Variants in SMPDL3B observed in about 807,000 individuals in gnomAD.
The protein encoded by SMPDL3B is acid sphingomyelinase-like phosphodiesterase 3b.
SMPDL3B carries 31 observed loss-of-function variants against 37.9 expected under a neutral mutation model. That is an observed-to-expected ratio of 0.82 (90% confidence interval 0.61 to 1.10). The LOEUF is 1.10. Among genes scored for constraint, SMPDL3B ranks in the 50% least tolerant of loss-of-function variants. The probability of loss-of-function intolerance (pLI) is 0.00; values close to 1 mark genes in which losing one functional copy is unlikely to be tolerated. For missense variants in SMPDL3B, 525 were observed against 597.8 expected (o/e 0.88, Z 1.27); for synonymous variants, 235 against 242.6 (o/e 0.97, Z 0.29).
chr1:27,945,157 G>A lies in SMPDL3B; in HGVS notation c.62-75G>A. 6.8e-7 allele frequency: 1 copy of A among 1,465,424 alleles called. No homozygotes were observed. The allele number at this position is 1,465,424 out of a possible 1,614,324, so 90.8% of individuals were successfully genotyped here. ...TGTGTAACGCCCCTGCCCCAGCCCA[G>A]GGCTCCCCTGGACTTCCTTGCTTCC... On this transcript the variant is annotated intron_variant, in intron 1 of 7. Transcript: ENST00000373894. The surrounding 1 kb of genome is among the most constrained non-coding windows in gnomAD (Gnocchi z 4.0).
intron 1 of SMPDL3B, among the ~76,000 whole-genome samples, chr1:27,936,958 T>A (rs1183779652): frequency 1.3e-5 from 2 of 151,954 alleles, no homozygotes; most frequent in African/African-American, 4.8e-5. Flanking sequence ...GAGGTGGAGC[T>A]TGCAGTGAGC....
At chr1:27,938,292 T>C (rs1253072333) in intron 1 of SMPDL3B, among the ~76,000 whole-genome samples, 1 of 152,118 alleles carries the variant, frequency 6.6e-6, no homozygotes, top group Admixed American at 6.5e-5. Context: ...TAATCCTCAT[T>C]TTATAGATGA....
rs751908684 is a variant in SMPDL3B at position 27,945,336 on chromosome 1, G to A, written c.166G>A (p.Ala56Thr). 9.9e-6 allele frequency: 16 copies of A among 1,614,000 alleles called. No individual in the cohort carries two copies. Among genetic ancestry groups the A allele is most frequent in the Admixed American group, 3.3e-5 (2 of 60,002 alleles). ...AGCTGGATCCCAGCCAGTGCCCGAC[G>A]CAGGCCCCTGGGGTGACTACCTCTG... is the stretch of plus-strand genomic sequence containing the variant. Reference protein sequence around the residue: ...PSAGSQPVPDAGPWGDYLCDS... With the variant: ...PSAGSQPVPDTGPWGDYLCDS... The change falls in exon 2 of 8, where the codon GCA becomes ACA. Residue 56 changes from alanine (A) to threonine (T), a missense_variant. Physicochemically the swap from Ala to Thr is moderately conservative, Grantham distance 58. Transcript: ENST00000373894. This position sits in a 1 kb window ranked among gnomAD's most constrained non-coding sequence, Gnocchi z 4.0.
Position 27,955,736 on chromosome 1 carries a change from AG to A in SMPDL3B, c.745del (p.Ala249HisfsTer12), listed in dbSNP as rs746113529. ...PPGFFEKTQN[K>X]AWFREGFNEK... Reference sequence around the variant, plus strand: ...GGGTTCTTTGAGAAGACGCAAAACAAGGCATGGTTCCGGGAGGGCTTCAATG... The same window carrying A: ...GGGTTCTTTGAGAAGACGCAAAACAAGCATGGTTCCGGGAGGGCTTCAATG... On this transcript the variant is annotated frameshift_variant, in exon 6 of 8. Transcript: ENST00000373894. LOFTEE classifies it high-confidence loss of function. 1 of 1,614,176 alleles carries A rather than the reference AG, an allele frequency of 6.2e-7. No homozygotes were observed. The highest frequency in any genetic ancestry group is 1.1e-5 in the South Asian group (1 of 91,082).
chr1:27,954,394 T>A lies in SMPDL3B; in HGVS notation c.558T>A (p.Ala186=), dbSNP rs2090480649. 1 of 1,613,978 alleles carries A rather than the reference T, an allele frequency of 6.2e-7. No individual in the cohort carries two copies. The highest frequency in any genetic ancestry group is 1.3e-5 in the African/African-American group (1 of 74,932). Residue 186 remains alanine, a synonymous_variant, in exon 5 of 8, where the codon GCT becomes GCA. Transcript: ENST00000373894. ...AGAAGCTGCCGGGTCCCAGCGGGGCTGGGCGAATTGTGGTCCTCAACACCA... is the reference window on the plus strand; with the variant it reads ...AGAAGCTGCCGGGTCCCAGCGGGGCAGGGCGAATTGTGGTCCTCAACACCA... ...YCEKLPGPSG[A]GRIVVLNTNL...
intron 3 of SMPDL3B, among the ~76,000 whole-genome samples, chr1:27,952,820 G>A (rs895974653): frequency 5.3e-5 from 8 of 152,186 alleles, no homozygotes; most frequent in African/African-American, 1.9e-4. Flanking sequence ...AACTCCTAAG[G>A]CCTCCCAGAG....
At chr1:27,948,582 A>C (rs1446343660) in intron 2 of SMPDL3B, among the ~76,000 whole-genome samples, 4 of 152,198 alleles carry the variant, frequency 2.6e-5, no homozygotes, top group Non-Finnish European at 5.9e-5. Context: ...ACTTGAAGCC[A>C]GCTTCAAACT....
Position 27,949,113 on chromosome 1 carries a change from A to T in SMPDL3B, c.324A>T (p.Val108=), listed in dbSNP as rs769656489. Residue 108 remains valine (V), a synonymous_variant, in exon 3 of 8, where the codon GTA becomes GTT. Coordinates refer to ENST00000373894, the MANE Select transcript of SMPDL3B (RefSeq NM_014474.4). ...VPDEKLGEAA[V]LEIVERLTKL... Reference sequence around the variant, plus strand: ...ATGAGAAACTGGGAGAGGCAGCTGTACTGGAAATTGTGGAACGCCTGACCA... The same window carrying T: ...ATGAGAAACTGGGAGAGGCAGCTGTTCTGGAAATTGTGGAACGCCTGACCA... 1 of 1,614,214 alleles carries T rather than the reference A, an allele frequency of 6.2e-7. No individual in the cohort carries two copies. Among genetic ancestry groups the T allele is most frequent in the Non-Finnish European group, 8.5e-7 (1 of 1,180,026 alleles).
chr1:27,959,132 C>A lies in SMPDL3B; in HGVS notation c.*294C>A. On this transcript the variant is annotated 3_prime_UTR_variant, in exon 8 of 8. Transcript: ENST00000373894. ...TGCGTATTATGTTTAACTCACAAAA[C>A]AAAGCTCATCATGCGTTTGATTCTG... The A allele has an allele frequency of 2.9e-6, 1 of 344,240 alleles. No individual in the cohort carries two copies. The highest frequency in any genetic ancestry group is 4.8e-5 in the East Asian group (1 of 20,730). 21.3% of individuals were successfully genotyped at this position (344,240 alleles called of 1,614,324 possible). A position where few individuals can be genotyped will look rare whatever the true frequency, so the allele number is the denominator to read the frequency against.
At chr1:27,942,503 C>T (rs187797698) in intron 1 of SMPDL3B, 3,781 of 375,930 alleles carry the variant, frequency 0.01, 63 homozygotes, top group Middle Eastern at 0.037. Context: ...TTTTTTGAGA[C>T]AGTCTTGCTG....
intron 4 of SMPDL3B, among the ~76,000 whole-genome samples, chr1:27,953,574 CTAAGTTCA>C (rs1259674578): frequency 1.3e-5 from 2 of 152,152 alleles, no homozygotes; most frequent in Non-Finnish European, 2.9e-5. Flanking sequence ...GATGATGCTC[CTAAGTTCA>C]TATTTATTGA....
At chr1:27,942,696 G>A (rs1412183801) in intron 1 of SMPDL3B, among the ~76,000 whole-genome samples, 3 of 142,450 alleles carry the variant, frequency 2.1e-5, no homozygotes, top group Non-Finnish European at 3.0e-5. Flanking sequence ...ATGGAGTCTC[G>A]CTCTGTCGCC....
rs542734311 is a variant in SMPDL3B, at chr1:27,944,966, T to C, written c.62-266T>C. ...TTAGAATGCCTGAGCTCTAATGTTGTGGCTGCCCATCCAATGTGGGGAGGA... is the reference window on the plus strand; with the variant it reads ...TTAGAATGCCTGAGCTCTAATGTTGCGGCTGCCCATCCAATGTGGGGAGGA... On this transcript the variant is annotated intron_variant, in intron 1 of 7. Coordinates refer to ENST00000373894, the MANE Select transcript of SMPDL3B (RefSeq NM_014474.4). Among the ~76,000 whole-genome samples the C allele has an allele frequency of 2.0e-5, 3 of 152,300 alleles. No homozygotes were observed. In the East Asian group the frequency reaches 5.8e-4, roughly 29 times the overall value.
At chr1:27,952,916 C>T (rs987276901) in intron 3 of SMPDL3B, among the ~76,000 whole-genome samples, 32 of 152,220 alleles carry the variant, frequency 2.1e-4, no homozygotes, top group Admixed American at 1.3e-4. Flanking sequence ...TGATGACGAT[C>T]GGACTCATTT....
intron 1 of SMPDL3B, chr1:27,939,069 AG>A (rs1206109574): frequency 6.6e-6 from 1 of 152,340 alleles, no homozygotes; most frequent in African/African-American, 2.4e-5. Context: ...TCACTCGCTC[AG>A]TTTCCTCATC....
intron 3 of SMPDL3B, among the ~76,000 whole-genome samples, chr1:27,952,737 C>T (rs143756422): frequency 4.7e-4 from 71 of 152,336 alleles, no homozygotes; most frequent in Non-Finnish European, 9.0e-4. Context: ...GGCTGGAAGC[C>T]TGGTTTCCAG....
chr1:27,942,371 G>C (rs908366667), intron 1 of SMPDL3B: 8 of 470,546 alleles, frequency 1.7e-5, no homozygotes, highest in Non-Finnish European at 3.1e-5. Flanking sequence ...GCAGGTGAGA[G>C]CCACTCACGG....
chr1:27,943,653 G>A (rs1407619552), intron 1 of SMPDL3B, among the ~76,000 whole-genome samples: 2 of 152,154 alleles, frequency 1.3e-5, no homozygotes, highest in African/African-American at 4.8e-5. Context: ...CGAGAAACAG[G>A]ATGAACAGAG....
At chr1:27,937,693 G>T (rs1310713392) in intron 1 of SMPDL3B, among the ~76,000 whole-genome samples, 1 of 152,136 alleles carries the variant, frequency 6.6e-6, no homozygotes, top group East Asian at 1.9e-4. Context: ...GGAAACGGAG[G>T]CTGAGGGGCA....
Sources: allele counts gnomAD v4.1 joint callset (sites outside exome capture counted in the v4.1 genomes callset), GRCh38; gene constraint gnomAD v4.1.1; non-coding constraint Gnocchi (gnomAD v3.1); transcripts MANE v1.5; gene names NCBI Gene and HGNC (gene_info 2026-07-23, HGNC 2026-07-21).